The following CNTNAP2 variants were observed in gnomAD, a reference collection of about 807,000 sequenced individuals.
CNTNAP2 encodes contactin-associated protein-like 2.
CNTNAP2 carries 98 observed loss-of-function variants against 155.2 expected under a neutral mutation model. That is an observed-to-expected ratio of 0.63 (90% confidence interval 0.54 to 0.75). CNTNAP2 has a LOEUF of 0.75. Among genes scored for constraint, CNTNAP2 ranks in the 30% least tolerant of loss-of-function variants. The pLI is 0.00. For synonymous variants in CNTNAP2, 651 were observed against 631.2 expected, an observed-to-expected ratio of 1.03 and a Z score of -0.47; for missense variants, 1,727 against 1,688.1, an observed-to-expected ratio of 1.02 and a Z score of -0.40.
At chr7:147,526,904 C>G (rs1050630038) in intron 11 of CNTNAP2, among the ~76,000 whole-genome samples, 2 of 151,006 alleles carry the variant, frequency 1.3e-5, no homozygotes, top group Non-Finnish European at 2.9e-5. Context: ...CTATAAGCCA[C>G]GGATTAAGTT....
At chr7:147,822,871 CTTA>C (rs1444194552) in intron 13 of CNTNAP2, among the ~76,000 whole-genome samples, 2 of 152,096 alleles carry the variant, frequency 1.3e-5, no homozygotes, top group African/African-American at 2.4e-5. Flanking sequence ...ATGTAAATTT[CTTA>C]TTATAATTTG....
chr7:147,602,170 G>C (rs1800960297), intron 12 of CNTNAP2, among the ~76,000 whole-genome samples: 1 of 151,396 alleles, frequency 6.6e-6, no homozygotes, highest in Non-Finnish European at 1.5e-5. Flanking sequence ...TACAGTTGGG[G>C]TATTTATCCC....
intron 8 of CNTNAP2, among the ~76,000 whole-genome samples, chr7:147,257,937 T>A (rs1273082186): frequency 6.6e-6 from 1 of 152,230 alleles, no homozygotes; most frequent in Non-Finnish European, 1.5e-5. Context: ...AAGTACATAA[T>A]GAGTGCAAAT....
intron 12 of CNTNAP2, among the ~76,000 whole-genome samples, chr7:147,633,329 G>A (rs1255699976): frequency 6.6e-6 from 1 of 152,176 alleles, no homozygotes; most frequent in East Asian, 1.9e-4. Flanking sequence ...GAAATGCCTG[G>A]ATGTCTAAAC....
intron 10 of CNTNAP2, among the ~76,000 whole-genome samples, chr7:147,424,125 C>T (rs545147034): frequency 1.1e-4 from 16 of 152,226 alleles, no homozygotes; most frequent in East Asian, 7.7e-4. Flanking sequence ...TACTTCATTC[C>T]GCTGCTCCAT....
intron 4 of CNTNAP2, among the ~76,000 whole-genome samples, chr7:147,072,474 C>A (rs921988513): frequency 2.4e-5 from 3 of 124,194 alleles, no homozygotes; most frequent in Admixed American, 1.5e-4. Flanking sequence ...GTGTAGAGGA[C>A]AGGTCTGAAG....
intron 13 of CNTNAP2, among the ~76,000 whole-genome samples, chr7:147,673,725 GGACATTAGATTTTGA>G (rs1224228602): frequency 6.6e-6 from 1 of 152,018 alleles, no homozygotes; most frequent in Non-Finnish European, 1.5e-5. Context: ...CTGGAGATGG[GGACATTAGATTTTGA>G]GACACAGACC....
chr7:146,535,022 A>G (rs1797825662), intron 1 of CNTNAP2, among the ~76,000 whole-genome samples: 1 of 125,516 alleles, frequency 8.0e-6, no homozygotes, highest in Non-Finnish European at 1.6e-5. Context: ...TGCCATGTCC[A>G]TCTTTTCTAA....
intron 13 of CNTNAP2, among the ~76,000 whole-genome samples, chr7:147,800,896 C>A (rs1797972376): frequency 6.6e-6 from 1 of 152,152 alleles, no homozygotes; most frequent in East Asian, 1.9e-4. Context: ...AGTACAGTAA[C>A]ATACTGTACA....
intron 2 of CNTNAP2, among the ~76,000 whole-genome samples, chr7:146,829,009 G>A (rs1344771049): frequency 6.6e-6 from 1 of 151,890 alleles, no homozygotes; most frequent in Non-Finnish European, 1.5e-5. Context: ...CAACTGTTTA[G>A]CTTTTGGGTC....
At chr7:146,706,756 G>A (rs920893266) in intron 1 of CNTNAP2, among the ~76,000 whole-genome samples, 4 of 151,956 alleles carry the variant, frequency 2.6e-5, no homozygotes, top group African/African-American at 9.7e-5. Context: ...ACACCTACTG[G>A]GTCCTTTCAG....
intron 9 of CNTNAP2, among the ~76,000 whole-genome samples, chr7:147,373,668 T>C (rs892244898): frequency 1.3e-5 from 2 of 152,068 alleles, no homozygotes; most frequent in Admixed American, 1.3e-4. Context: ...AAATAGATAA[T>C]ACTGTGGTCA....
chr7:148,113,372 T>C (rs886184031), intron 15 of CNTNAP2, among the ~76,000 whole-genome samples: 1 of 152,114 alleles, frequency 6.6e-6, no homozygotes, highest in African/African-American at 2.4e-5. Context: ...TCAATCACTA[T>C]CACAAAGACA....
chr7:147,535,865 G>A (rs898791752), intron 11 of CNTNAP2, among the ~76,000 whole-genome samples: 1 of 152,086 alleles, frequency 6.6e-6, no homozygotes. Context: ...TGGAACAGAC[G>A]TAAAAGACAG....
At chr7:148,414,664 C>A (rs1799936134) in intron 23 of CNTNAP2, 2 of 152,232 alleles carry the variant, frequency 1.3e-5, no homozygotes, top group African/African-American at 4.8e-5. Context: ...TTTTTCTCTG[C>A]AGCTTGACGT....
At position 148,224,315 on chromosome 7, in the gene CNTNAP2, A is replaced by G. The variant is rs76729009; in HGVS notation, c.3248-5331A>G. On this transcript the variant is annotated intron_variant, in intron 19 of 23. Transcript: ENST00000361727. ...CCAAACAATGGACTATTTTAATGCT[A>G]TTGGGTAAAGGAAAAACCGAGTAAA... is the stretch of plus-strand genomic sequence containing the variant. Among the ~76,000 whole-genome samples, 988 of 151,080 alleles carry G rather than the reference A, an allele frequency of 6.5e-3. 7 individuals carry two copies. The highest frequency in any genetic ancestry group is 0.023 in the African/African-American group (938 of 41,532).
intron 20 of CNTNAP2, among the ~76,000 whole-genome samples, chr7:148,253,717 G>T (rs1362763698): frequency 5.9e-5 from 9 of 152,148 alleles, no homozygotes; most frequent in Non-Finnish European, 8.8e-5. Flanking sequence ...CTGTGCTCTG[G>T]GTGGCCCATG....
chr7:148,106,338 A>G (rs1203598836), intron 15 of CNTNAP2, among the ~76,000 whole-genome samples: 6 of 151,896 alleles, frequency 4.0e-5, no homozygotes, highest in African/African-American at 7.3e-5. Context: ...TCGTTAACAT[A>G]TGATTAGTAC....
At chr7:146,647,879 G>A (rs1585023742) in intron 1 of CNTNAP2, among the ~76,000 whole-genome samples, 2 of 152,284 alleles carry the variant, frequency 1.3e-5, no homozygotes, top group South Asian at 4.1e-4. Flanking sequence ...TAAAGAACAT[G>A]TTTTATATTT....
Sources: allele counts gnomAD v4.1 joint callset (sites outside exome capture counted in the v4.1 genomes callset), GRCh38; gene constraint gnomAD v4.1.1; transcripts MANE v1.5; gene names NCBI Gene and HGNC (gene_info 2026-07-23, HGNC 2026-07-21).